Variants in MX2 observed in about 807,000 individuals in gnomAD.
MX2 encodes the protein interferon-induced GTP-binding protein Mx2.
In MX2, 51 loss-of-function variants were observed where a neutral mutation model predicts 74.0. The observed-to-expected ratio is 0.69, with a 90% CI of 0.55 to 0.87. The LOEUF (loss-of-function observed/expected upper bound fraction) is 0.87. MX2 is among the 40% of genes least tolerant of loss of function. The pLI, the probability that MX2 is intolerant of heterozygous loss-of-function variation, is 0.00. For synonymous variants in MX2, 369 were observed against 339.3 expected, an observed-to-expected ratio of 1.09 and a Z score of -0.96; for missense variants, 832 against 908.7, an observed-to-expected ratio of 0.92 and a Z score of 1.09.
chr21:41,363,170 G>C lies in MX2; in HGVS notation c.-72+1115G>C, dbSNP rs1601384788. 1 of 152,114 alleles carries C rather than the reference G, an allele frequency of 6.6e-6. No homozygotes were observed. The highest frequency in any genetic ancestry group is 1.5e-5 in the Non-Finnish European group (1 of 68,018). The allele number at this position is 152,114 out of a possible 1,614,324, so 9.4% of individuals were successfully genotyped here. A position where few individuals can be genotyped will look rare whatever the true frequency, so the allele number is the denominator to read the frequency against. On this transcript the variant is annotated intron_variant, in intron 1 of 13. Coordinates refer to ENST00000330714, the MANE Select transcript of MX2 (RefSeq NM_002463.2). The surrounding 1 kb of genome is among the most constrained non-coding windows in gnomAD (Gnocchi z 4.2). ...TATCTTTCCTCGCACCCTCTCCTCC[G>C]TTTACTCTGCTCTACTTCCCAGCCC...
At chr21:41,377,512 C>A (rs2089422182) in intron 2 of MX2, among the ~76,000 whole-genome samples, 1 of 152,162 alleles carries the variant, frequency 6.6e-6, no homozygotes, top group African/African-American at 2.4e-5. Flanking sequence ...GTCTCTGCCT[C>A]TTGGAACTTC....
At chr21:41,398,635 T>A (rs2089766782) in intron 8 of MX2, among the ~76,000 whole-genome samples, 1 of 152,146 alleles carries the variant, frequency 6.6e-6, no homozygotes, top group Admixed American at 6.5e-5. Context: ...AAGCACATAC[T>A]CAAAGAAAAT....
intron 6 of MX2, among the ~76,000 whole-genome samples, chr21:41,392,690 A>G (rs1371116373): frequency 6.6e-6 from 1 of 152,224 alleles, no homozygotes; most frequent in Non-Finnish European, 1.5e-5. Context: ...CCATTTTTGT[A>G]AAGAAATTTT....
chr21:41,381,719 G>C (rs1157260918), intron 4 of MX2, among the ~76,000 whole-genome samples: 1 of 149,418 alleles, frequency 6.7e-6, no homozygotes, highest in Non-Finnish European at 1.5e-5. Context: ...AATGAATAGC[G>C]AGCAAACCCA....
At chr21:41,405,664 G>T (rs192064193) in intron 12 of MX2, among the ~76,000 whole-genome samples, 29 of 149,982 alleles carry the variant, frequency 1.9e-4, no homozygotes, top group African/African-American at 6.9e-4. Context: ...CAGTGACCCT[G>T]TGACCCCCCT....
chr21:41,402,266 T>A lies in MX2; in HGVS notation c.1573+138T>A. On this transcript the variant is annotated intron_variant, in intron 11 of 13. Coordinates refer to ENST00000330714, the MANE Select transcript of MX2 (RefSeq NM_002463.2). The surrounding 1 kb of genome is among the most constrained non-coding windows in gnomAD (Gnocchi z 4.5). ...TCACTGGTGTGCTAGATTGCTACTC[T>A]GTGTGGTCTGTGAGCCAGCAGCACT... 9.9e-7 allele frequency: 1 copy of A among 1,010,630 alleles called. No individual in the cohort carries two copies. The highest frequency in any genetic ancestry group is 1.4e-6 in the Non-Finnish European group (1 of 714,452). 62.6% of individuals were successfully genotyped at this position (1,010,630 alleles called of 1,614,324 possible).
chr21:41,407,049 A>G (rs2089896423), intron 13 of MX2, 51 bp downstream of exon 13: 1 of 1,582,134 alleles, frequency 6.3e-7, no homozygotes, highest in African/African-American at 1.4e-5. Flanking sequence ...TGCAGAGCTG[A>G]GTAGGGGCTA....
At chr21:41,393,973 T>C (rs1384377568) in intron 6 of MX2, among the ~76,000 whole-genome samples, 1 of 152,200 alleles carries the variant, frequency 6.6e-6, no homozygotes. Context: ...TCTGAAGTCC[T>C]GGTGACTCTG....
chr21:41,408,651 T>G lies in MX2; in HGVS notation c.*418T>G, dbSNP rs1006201514. On this transcript the variant is annotated 3_prime_UTR_variant, in exon 14 of 14. Transcript: ENST00000330714. ...CATTGTAACTGCTTAATAAATGACATCTCACTGAACGAATGAGTGCTGTGT... is the reference window on the plus strand; with the variant it reads ...CATTGTAACTGCTTAATAAATGACAGCTCACTGAACGAATGAGTGCTGTGT... 1 of 170,952 alleles carries G rather than the reference T, an allele frequency of 5.8e-6. No homozygotes were observed. The highest frequency in any genetic ancestry group is 1.2e-5 in the Non-Finnish European group (1 of 80,274). 10.6% of individuals were successfully genotyped at this position (170,952 alleles called of 1,614,324 possible).
At position 41,390,226 on chromosome 21, in the gene MX2, A is replaced by G. The variant is rs2089638449; in HGVS notation, c.733-339A>G. ...TCTGGACTTCTGAGTCAGATACAAC[A>G]TACGCACAAGTCACTCTAATAGAAG... On this transcript the variant is annotated intron_variant, in intron 5 of 13. Coordinates refer to ENST00000330714, the MANE Select transcript of MX2 (RefSeq NM_002463.2). The G allele has an allele frequency of 1.4e-5, 4 of 279,560 alleles. No individual in the cohort carries two copies. The East Asian group carries it at 2.2e-4, about 16-fold the overall frequency. 17.3% of individuals were successfully genotyped at this position (279,560 alleles called of 1,614,324 possible).
chr21:41,378,198 CGTT>C (rs1291481101), intron 3 of MX2, among the ~76,000 whole-genome samples: 1 of 92,556 alleles, frequency 1.1e-5, no homozygotes, highest in Non-Finnish European at 1.9e-5. Context: ...GGGAGAGACA[CGTT>C]GCTGGGAGAG....
intron 5 of MX2, 51 bp downstream of exon 5, chr21:41,382,615 T>C (rs377387236): frequency 1.3e-4 from 208 of 1,609,404 alleles, no homozygotes; most frequent in Non-Finnish European, 1.6e-4. Flanking sequence ...GGGGGAAGGG[T>C]CAGAGGTCCC....
At chr21:41,407,851 C>A in intron 13 of MX2, 140 bp from the exon 14 acceptor site, 1 of 1,049,672 alleles carries the variant, frequency 9.5e-7, no homozygotes. Context: ...TGATGCTGAC[C>A]ACCGGAGTGG....
At chr21:41,369,304 G>A (rs568487503) in intron 1 of MX2, among the ~76,000 whole-genome samples, 42 of 152,318 alleles carry the variant, frequency 2.8e-4, no homozygotes, top group African/African-American at 1.0e-3. Context: ...CTCCCAGTGA[G>A]GAGGGACCCC....
chr21:41,382,534 G>A lies in MX2; in HGVS notation c.702G>A (p.Val234=). 4 of 1,614,190 alleles carry A rather than the reference G, an allele frequency of 2.5e-6. No homozygotes were observed. Among genetic ancestry groups the A allele is most frequent in the Non-Finnish European group, 3.4e-6 (4 of 1,180,042 alleles). ...IDLPGITRVA[V]DNQPRDIGLQ... is the part of the protein sequence containing the mutation. The stretch of plus-strand genomic sequence containing the variant: ...TTCCCGGCATCACCAGGGTGGCTGT[G>A]GACAACCAGCCCCGAGACATCGGAC... The change falls in exon 5 of 14, where the codon GTG becomes GTA. Residue 234 remains valine (V), a synonymous_variant. Coordinates refer to ENST00000330714, the MANE Select transcript of MX2 (RefSeq NM_002463.2).
intron 5 of MX2, among the ~76,000 whole-genome samples, chr21:41,384,287 G>A (rs568337683): frequency 4.6e-5 from 7 of 152,230 alleles, no homozygotes; most frequent in South Asian, 2.1e-4. Context: ...GTGTGAGAAC[G>A]GACTAATACA....
In MX2 at chr21:41,377,867, C is replaced by G. The variant is rs1472425643; in HGVS notation, c.328C>G (p.Leu110Val). The G allele has an allele frequency of 6.2e-7, 1 of 1,614,226 alleles. No individual in the cohort carries two copies. The highest frequency in any genetic ancestry group is 1.1e-5 in the South Asian group (1 of 91,086). The change falls in exon 3 of 14, where the codon CTG (leucine) becomes GTG (valine). Residue 110 changes from leucine (L) to valine (V), a missense_variant. Coordinates refer to ENST00000330714, the MANE Select transcript of MX2 (RefSeq NM_002463.2). ...TGACCTCATCGACTCCCTGCGGGCT[C>G]TGGGTGTGGAGCAGGACCTGGCCCT... ...CIDLIDSLRA[L>V]GVEQDLALPA...
In MX2 at chr21:41,388,007, G is replaced by A. The variant is rs1046651402; in HGVS notation, c.733-2558G>A. On this transcript the variant is annotated intron_variant, in intron 5 of 13. Transcript: ENST00000330714. This position sits in a 1 kb window ranked among gnomAD's most constrained non-coding sequence, Gnocchi z 4.0. ...GGCTCTGCTTCAAATAACACACCCA[G>A]GCCCACGTCTCCTCCCACTTCCACC... 5.3e-5 allele frequency among the ~76,000 whole-genome samples: 8 copies of A among 152,128 alleles called. No homozygotes were observed. The highest frequency in any genetic ancestry group is 1.0e-4 in the Non-Finnish European group (7 of 68,016).
In MX2 at chr21:41,403,324, A is replaced by C; in HGVS notation, c.1631A>C (p.Asn544Thr). The C allele has an allele frequency of 1.9e-6, 3 of 1,613,770 alleles. No individual in the cohort carries two copies. In the South Asian group the frequency reaches 3.3e-5, roughly 18 times the overall value. ...VAKKHFGEFFNLNQTVQSTIE... is the reference protein window; with the variant it reads ...VAKKHFGEFFTLNQTVQSTIE... ...AAAAAACATTTTGGCGAATTTTTCA[A>C]CCTTAACCAAACTGTTCAGGTAAGC... Residue 544 changes from asparagine (N) to threonine (T), a missense_variant, in exon 12 of 14, where the codon AAC becomes ACC. Asn to Thr is a moderately conservative substitution (Grantham distance 65). Transcript: ENST00000330714.
Sources: gnomAD v4.1 joint callset for allele counts (sites outside exome capture counted in the v4.1 genomes callset) on GRCh38, gnomAD v4.1.1 for gene constraint, Gnocchi (gnomAD v3.1) non-coding constraint, MANE v1.5 for transcripts, NCBI Gene and HGNC (gene_info 2026-07-23, HGNC 2026-07-21) for gene names.